The following EYA1 variants were observed in gnomAD, a reference collection of about 807,000 sequenced individuals.
The protein encoded by EYA1 is protein phosphatase EYA1.
EYA1 carries 16 observed loss-of-function variants against 82.0 expected under a neutral mutation model. That is an observed-to-expected ratio of 0.20 (90% CI 0.13 to 0.30). EYA1 has a LOEUF of 0.30. EYA1 is among the 10% of genes least tolerant of loss of function. EYA1 has a pLI of 1.00. For missense variants in EYA1, 633 were observed against 730.7 expected, an observed-to-expected ratio of 0.87 and a Z score of 1.54; for synonymous variants, 261 against 264.4, an observed-to-expected ratio of 0.99 and a Z score of 0.12.
intron 4 of EYA1, among the ~76,000 whole-genome samples, chr8:71,324,687 T>C (rs1243215783): frequency 6.6e-6 from 1 of 152,164 alleles, no homozygotes; most frequent in African/African-American, 2.4e-5. Flanking sequence ...TCTAAGCAAA[T>C]TGAACCCAGG....
chr8:71,205,981 T>TTAA (rs1254713066), intron 17 of EYA1, among the ~76,000 whole-genome samples: 1 of 152,196 alleles, frequency 6.6e-6, no homozygotes, highest in Non-Finnish European at 1.5e-5. Context: ...TGGTTTGCTA[T>TTAA]TAATTTATTT....
chr8:71,419,769 C>T (rs937647040), intron 2 of EYA1, among the ~76,000 whole-genome samples: 15 of 151,534 alleles, frequency 9.9e-5, no homozygotes, highest in Non-Finnish European at 2.1e-4. Flanking sequence ...ATAATTATTC[C>T]TATATTTAAA....
At chr8:71,456,440 C>T (rs1244680363) in intron 2 of EYA1, among the ~76,000 whole-genome samples, 1 of 152,118 alleles carries the variant, frequency 6.6e-6, no homozygotes, top group Non-Finnish European at 1.5e-5. Flanking sequence ...AAAGAGTCCG[C>T]ATTGCCAAGT....
intron 17 of EYA1, among the ~76,000 whole-genome samples, chr8:71,199,793 G>A (rs1806718242): frequency 6.6e-6 from 1 of 152,176 alleles, no homozygotes; most frequent in African/African-American, 2.4e-5. Context: ...TACTTTATGA[G>A]TTTAAGCAGT....
At chr8:71,270,601 G>A (rs1816403934) in intron 10 of EYA1, among the ~76,000 whole-genome samples, 1 of 152,072 alleles carries the variant, frequency 6.6e-6, no homozygotes, top group African/African-American at 2.4e-5. Flanking sequence ...CATTTTTTCA[G>A]CCAAAATAAT....
intron 2 of EYA1, among the ~76,000 whole-genome samples, chr8:71,503,130 G>A (rs1335660729): frequency 6.6e-6 from 1 of 151,948 alleles, no homozygotes; most frequent in Non-Finnish European, 1.5e-5. Context: ...TGACTTACAG[G>A]GGCCTTTCAC....
At chr8:71,377,076 TG>T (rs910657845) in intron 2 of EYA1, among the ~76,000 whole-genome samples, 8 of 152,182 alleles carry the variant, frequency 5.3e-5, no homozygotes, top group African/African-American at 1.9e-4. Context: ...GTTACTTTGG[TG>T]ACCCCCAATG....
intron 2 of EYA1, among the ~76,000 whole-genome samples, chr8:71,413,141 A>G (rs1830694193): frequency 6.6e-6 from 1 of 152,242 alleles, no homozygotes; most frequent in East Asian, 1.9e-4. Flanking sequence ...GAAGTTCAGA[A>G]GCAGAATAAA....
At chr8:71,492,949 G>A (rs1203890125) in intron 2 of EYA1, among the ~76,000 whole-genome samples, 1 of 152,066 alleles carries the variant, frequency 6.6e-6, no homozygotes, top group African/African-American at 2.4e-5. Flanking sequence ...AGTGTGTGTT[G>A]TTCCTCTTTG....
intron 3 of EYA1, among the ~76,000 whole-genome samples, chr8:71,346,697 G>A (rs943921366): frequency 3.3e-5 from 5 of 151,954 alleles, no homozygotes; most frequent in Non-Finnish European, 7.4e-5. Context: ...AGTCACTATA[G>A]ATCAAATTCA....
intron 2 of EYA1, among the ~76,000 whole-genome samples, chr8:71,426,862 T>A (rs550296032): frequency 2.0e-5 from 3 of 152,136 alleles, no homozygotes; most frequent in Admixed American, 2.0e-4. Context: ...TATGTATGAC[T>A]AAAGTTTTCT....
chr8:71,303,033 T>C (rs186884642), intron 7 of EYA1, among the ~76,000 whole-genome samples: 1 of 142,632 alleles, frequency 7.0e-6, no homozygotes, highest in Non-Finnish European at 1.6e-5. Context: ...CACCCGGGCA[T>C]ACATTCCAGC....
At chr8:71,333,513 C>T (rs530374350) in intron 4 of EYA1, among the ~76,000 whole-genome samples, 10 of 152,278 alleles carry the variant, frequency 6.6e-5, no homozygotes, top group African/African-American at 2.4e-4. Flanking sequence ...ATTCTCACAA[C>T]CACCTTATGA....
intron 9 of EYA1, 74 bp downstream of exon 9, chr8:71,298,971 AAT>A: frequency 6.9e-7 from 1 of 1,456,986 alleles, no homozygotes; most frequent in Non-Finnish European, 9.6e-7. Flanking sequence ...CCACTGCATG[AAT>A]ATATGACTGT....
chr8:71,426,269 G>A (rs542514882), intron 2 of EYA1, among the ~76,000 whole-genome samples: 148 of 152,276 alleles, frequency 9.7e-4, no homozygotes, highest in African/African-American at 3.4e-3. Context: ...ACATTAACAA[G>A]CAAAGTAGAA....
chr8:71,355,970 AAG>A (rs1826832814), intron 2 of EYA1, among the ~76,000 whole-genome samples: 1 of 152,190 alleles, frequency 6.6e-6, no homozygotes, highest in Non-Finnish European at 1.5e-5. Flanking sequence ...ATGTTTTTCT[AAG>A]AAAAAAGATG....
intron 1 of EYA1, chr8:71,356,794 C>T: frequency 2.7e-6 from 3 of 1,096,688 alleles, no homozygotes; most frequent in Non-Finnish European, 3.3e-6. Context: ...AATGGGATTA[C>T]CCCTCCCCCA....
chr8:71,229,485 T>A (rs1013094291), intron 12 of EYA1, among the ~76,000 whole-genome samples: 1 of 152,178 alleles, frequency 6.6e-6, no homozygotes, highest in Admixed American at 6.5e-5. Flanking sequence ...GTGTCTTTTT[T>A]TCCTACTTAT....
chr8:71,494,539 T>A (rs1249220024), intron 2 of EYA1, among the ~76,000 whole-genome samples: 1 of 152,174 alleles, frequency 6.6e-6, no homozygotes, highest in Admixed American at 6.5e-5. Flanking sequence ...CAGTATTCTT[T>A]CAAGTAAAAC....
Sources: gnomAD v4.1 joint callset for allele counts (sites outside exome capture counted in the v4.1 genomes callset) on GRCh38, gnomAD v4.1.1 for gene constraint, MANE v1.5 for transcripts, NCBI Gene and HGNC (gene_info 2026-07-23, HGNC 2026-07-21) for gene names.